Variants in MEIS2 observed in about 807,000 individuals in gnomAD.
MEIS2 encodes the protein homeobox protein Meis2.
In MEIS2, 9 loss-of-function variants were observed where a neutral mutation model predicts 58.6. The observed-to-expected ratio is 0.15, with a 90% confidence interval of 0.09 to 0.27. The LOEUF is 0.27. MEIS2 is among the 10% of genes least tolerant of loss of function. The probability of loss-of-function intolerance (pLI) is 1.00; values close to 1 mark genes in which losing one functional copy is unlikely to be tolerated. For missense variants in MEIS2, 427 were observed against 635.0 expected (o/e 0.67, Z 3.52); for synonymous variants, 221 against 228.4 (o/e 0.97, Z 0.29).
intron 8 of MEIS2, among the ~76,000 whole-genome samples, chr15:37,015,049 C>T (rs2061300101): frequency 6.6e-6 from 1 of 152,230 alleles, no homozygotes; most frequent in African/African-American, 2.4e-5. Flanking sequence ...CAACATGTGA[C>T]TTGAGCTCAA....
chr15:36,928,802 T>C (rs2057851540), intron 9 of MEIS2, among the ~76,000 whole-genome samples: 1 of 152,198 alleles, frequency 6.6e-6, no homozygotes, highest in African/African-American at 2.4e-5. Context: ...TTAGAACCAA[T>C]TGAAAATAGT....
At chr15:36,964,138 C>T (rs1002701824) in intron 8 of MEIS2, among the ~76,000 whole-genome samples, 1 of 152,178 alleles carries the variant, frequency 6.6e-6, no homozygotes, top group African/African-American at 2.4e-5. Flanking sequence ...ACAATTAATA[C>T]TCCCCAAAGG....
At chr15:37,022,004 A>G (rs1331483944) in intron 8 of MEIS2, among the ~76,000 whole-genome samples, 1 of 152,116 alleles carries the variant, frequency 6.6e-6, no homozygotes, top group Non-Finnish European at 1.5e-5. Flanking sequence ...ATAACATTCC[A>G]TATCTCCTAC....
chr15:36,924,518 T>C (rs1045956180), intron 9 of MEIS2, among the ~76,000 whole-genome samples: 8 of 151,990 alleles, frequency 5.3e-5, no homozygotes, highest in African/African-American at 1.7e-4. Flanking sequence ...GAGAGAAAAA[T>C]ATGAAATACA....
intron 9 of MEIS2, among the ~76,000 whole-genome samples, chr15:36,918,541 G>A (rs2057371935): frequency 6.6e-6 from 1 of 152,218 alleles, no homozygotes; most frequent in Non-Finnish European, 1.5e-5. Context: ...GGCATACATG[G>A]ATGAAGAAGA....
chr15:37,059,927 A>C lies in MEIS2; in HGVS notation c.755-22968T>G, dbSNP rs149179711. Among the ~76,000 whole-genome samples, 4 of 264 alleles carry C rather than the reference A, an allele frequency of 0.015. No individual in the cohort carries two copies. In the East Asian group the frequency reaches 0.5, roughly 33 times the overall value. The allele number at this position is 264 out of a possible 152,430, so 0.2% of individuals were successfully genotyped here. A position where few individuals can be genotyped will look rare whatever the true frequency, so the allele number is the denominator to read the frequency against. On this transcript the variant is annotated intron_variant, in intron 7 of 11. Transcript: ENST00000561208. The stretch of plus-strand genomic sequence containing the variant: ...CTGCACTCCAGCGAGAGTCTGTCTC[A>C]AAAAAAAAAATTCTTTTTTTAGAAA...
chr15:37,093,549 C>T (rs1239135183), intron 6 of MEIS2, 32 bp downstream of exon 6: 1 of 1,612,376 alleles, frequency 6.2e-7, no homozygotes, highest in African/African-American at 1.3e-5. Flanking sequence ...GCCCAGTGGC[C>T]TTAAAAGATT....
At chr15:37,030,110 G>A (rs1294749465) in intron 8 of MEIS2, among the ~76,000 whole-genome samples, 2 of 152,168 alleles carry the variant, frequency 1.3e-5, no homozygotes. Flanking sequence ...TTCATATCCT[G>A]GAAGACAAAT....
chr15:36,903,045 A>G (rs1468697748), intron 9 of MEIS2, among the ~76,000 whole-genome samples: 2 of 152,184 alleles, frequency 1.3e-5, no homozygotes, highest in Non-Finnish European at 2.9e-5. Flanking sequence ...TTATTTGACT[A>G]AGGTTTATAT....
chr15:37,010,475 T>G (rs957561783), intron 8 of MEIS2, among the ~76,000 whole-genome samples: 18 of 152,100 alleles, frequency 1.2e-4, no homozygotes, highest in Non-Finnish European at 2.9e-5. Context: ...CTGTGCCTCC[T>G]GGGCTCAAGA....
chr15:36,920,989 A>G (rs2057484834), intron 9 of MEIS2, among the ~76,000 whole-genome samples: 1 of 151,196 alleles, frequency 6.6e-6, no homozygotes, highest in African/African-American at 2.4e-5. Context: ...CCAGGAAAAA[A>G]CAAAAACAAA....
chr15:37,071,733 G>C (rs1354513879), intron 7 of MEIS2, among the ~76,000 whole-genome samples: 1 of 151,986 alleles, frequency 6.6e-6, no homozygotes, highest in African/African-American at 2.4e-5. Context: ...CCCATGATAA[G>C]TGACAGATCT....
chr15:37,094,446 A>G (rs1225372187), intron 5 of MEIS2, 81 bp downstream of exon 5: 2 of 1,369,132 alleles, frequency 1.5e-6, no homozygotes, highest in African/African-American at 2.8e-5. Flanking sequence ...CCCTCACACT[A>G]GAGGTTTGTT....
intron 7 of MEIS2, among the ~76,000 whole-genome samples, chr15:37,083,502 G>A (rs1596100011): frequency 6.6e-6 from 1 of 152,164 alleles, no homozygotes; most frequent in African/African-American, 2.4e-5. Flanking sequence ...CAGAAATAAA[G>A]TGTAGATAAC....
chr15:36,906,200 T>C (rs944000581), intron 9 of MEIS2, among the ~76,000 whole-genome samples: 4 of 152,192 alleles, frequency 2.6e-5, no homozygotes, highest in Non-Finnish European at 5.9e-5. Flanking sequence ...TCTTGAGTGA[T>C]AAATTGAATT....
intron 7 of MEIS2, among the ~76,000 whole-genome samples, chr15:37,072,666 ATCTT>A (rs1890866189): frequency 6.6e-6 from 1 of 152,144 alleles, no homozygotes; most frequent in African/African-American, 2.4e-5. Context: ...GGCCATCAAA[ATCTT>A]TATTTATTTA....
At chr15:36,996,062 CACAT>C (rs1366418406) in intron 8 of MEIS2, among the ~76,000 whole-genome samples, 6 of 112,708 alleles carry the variant, frequency 5.3e-5, no homozygotes, top group Non-Finnish European at 1.1e-4. Flanking sequence ...TATATACACA[CACAT>C]ATATATATAT....
At chr15:36,934,003 C>CA (rs2058074222) in intron 9 of MEIS2, among the ~76,000 whole-genome samples, 1 of 152,136 alleles carries the variant, frequency 6.6e-6, no homozygotes, top group Admixed American at 6.5e-5. Flanking sequence ...TATTTGTCAG[C>CA]TATGCATATC....
At chr15:37,015,823 CGTG>C (rs1333323925) in intron 8 of MEIS2, among the ~76,000 whole-genome samples, 1 of 152,082 alleles carries the variant, frequency 6.6e-6, no homozygotes, top group Non-Finnish European at 1.5e-5. Flanking sequence ...TAGATATCCT[CGTG>C]GTGGTGAACT....
Sources: gnomAD v4.1 joint callset for allele counts (sites outside exome capture counted in the v4.1 genomes callset) on GRCh38, gnomAD v4.1.1 for gene constraint, MANE v1.5 for transcripts, NCBI Gene and HGNC (gene_info 2026-07-23, HGNC 2026-07-21) for gene names.